The following NEGR1 variants were observed in gnomAD, a reference collection of about 807,000 sequenced individuals.
NEGR1 encodes neuronal growth regulator 1, also known as IgLON family member 4.
In NEGR1, 10 loss-of-function variants were observed where a neutral mutation model predicts 40.9. The ratio of observed to expected loss-of-function variants is 0.24; its 90% CI spans 0.15 to 0.42. The LOEUF (loss-of-function observed/expected upper bound fraction) is 0.42, where lower values mean the gene tolerates loss of function less well. NEGR1 is among the 10% of genes least tolerant of loss of function. The pLI is 1.00. For missense variants in NEGR1, 352 were observed against 438.9 expected, an observed-to-expected ratio of 0.80 and a Z score of 1.77; for synonymous variants, 185 against 166.8, an observed-to-expected ratio of 1.11 and a Z score of -0.84.
chr1:71,672,236 T>G (rs1176309194), intron 4 of NEGR1, among the ~76,000 whole-genome samples: 7 of 152,158 alleles, frequency 4.6e-5, no homozygotes, highest in Non-Finnish European at 2.9e-5. Context: ...ATAGTCACAA[T>G]GTTATCGCTT....
chr1:71,417,143 G>A (rs1876194), intron 6 of NEGR1, among the ~76,000 whole-genome samples: 142,362 of 152,242 alleles, frequency 0.94, 66,965 homozygotes, highest in Non-Finnish European at 0.99. Context: ...TACAGCTTTT[G>A]CCTATACTTC....
intron 1 of NEGR1, among the ~76,000 whole-genome samples, chr1:72,004,239 A>G (rs955676270): frequency 6.6e-6 from 1 of 152,146 alleles, no homozygotes; most frequent in Non-Finnish European, 1.5e-5. Context: ...TTAAACATAC[A>G]TGCATAGGTA....
At chr1:71,810,875 T>A (rs2101761982) in intron 2 of NEGR1, among the ~76,000 whole-genome samples, 1 of 152,298 alleles carries the variant, frequency 6.6e-6, no homozygotes, top group South Asian at 2.1e-4. Flanking sequence ...GTGAGCCAAT[T>A]AAACCTCTTT....
chr1:72,052,271 A>G (rs1371297334), intron 1 of NEGR1, among the ~76,000 whole-genome samples: 1 of 151,424 alleles, frequency 6.6e-6, no homozygotes, highest in Non-Finnish European at 1.5e-5. Context: ...CCTGGAATCC[A>G]ACAGAACTCT....
intron 2 of NEGR1, among the ~76,000 whole-genome samples, chr1:71,829,203 CG>C (rs1247605046): frequency 1.3e-5 from 2 of 151,780 alleles, no homozygotes; most frequent in Non-Finnish European, 2.9e-5. Flanking sequence ...AAATCCTCAA[CG>C]TTTTTTGTTG....
chr1:72,262,996 C>A (rs897119649), intron 1 of NEGR1, among the ~76,000 whole-genome samples: 4 of 151,704 alleles, frequency 2.6e-5, no homozygotes, highest in Non-Finnish European at 4.4e-5. Flanking sequence ...CTATCACATA[C>A]AGCTTCCACT....
chr1:71,986,647 G>A (rs979595187), intron 1 of NEGR1, among the ~76,000 whole-genome samples: 5 of 152,022 alleles, frequency 3.3e-5, no homozygotes, highest in Admixed American at 3.3e-4. Flanking sequence ...TAGAAATCAG[G>A]TTGGTGTTTC....
At chr1:72,033,091 C>G (rs544471184) in intron 1 of NEGR1, among the ~76,000 whole-genome samples, 19 of 152,100 alleles carry the variant, frequency 1.2e-4, no homozygotes, top group African/African-American at 4.3e-4. Context: ...TCAAAATTTT[C>G]TACTAGAAAA....
At chr1:72,200,471 C>T (rs747558453) in intron 1 of NEGR1, among the ~76,000 whole-genome samples, 4 of 151,824 alleles carry the variant, frequency 2.6e-5, no homozygotes, top group Non-Finnish European at 4.4e-5. Flanking sequence ...ACATTGAATA[C>T]ACATGGACAC....
At chr1:71,509,812 T>C (rs1647060851) in intron 6 of NEGR1, among the ~76,000 whole-genome samples, 1 of 152,232 alleles carries the variant, frequency 6.6e-6, no homozygotes, top group Non-Finnish European at 1.5e-5. Flanking sequence ...CTACATCTAT[T>C]ATAATCAACA....
intron 1 of NEGR1, among the ~76,000 whole-genome samples, chr1:72,197,351 T>C (rs2100440124): frequency 6.6e-6 from 1 of 152,190 alleles, no homozygotes; most frequent in South Asian, 2.1e-4. Context: ...TATAGGTTTA[T>C]TAACAGAAGC....
chr1:72,035,064 A>G (rs1000967704), intron 1 of NEGR1, among the ~76,000 whole-genome samples: 1 of 152,118 alleles, frequency 6.6e-6, no homozygotes, highest in Non-Finnish European at 1.5e-5. Flanking sequence ...TTTGCATAAT[A>G]AAAGACTAGG....
rs576567664 is a variant in NEGR1 at position 71,412,985 on chromosome 1, A to G, written c.941-5415T>C. The stretch of plus-strand genomic sequence containing the variant: ...CTGTCATTCTTTCTAGTTCTTAGTA[A>G]AGCTAAGACATTCTAGTCTTTAAAT... On this transcript the variant is annotated intron_variant, in intron 6 of 6. Transcript: ENST00000357731. Among the ~76,000 whole-genome samples the G allele has an allele frequency of 7.8e-4, 118 of 151,722 alleles. 1 individual carries two copies. The highest frequency in any genetic ancestry group is 9.7e-4 in the Non-Finnish European group (66 of 67,958).
At chr1:72,268,383 T>G (rs1330380533) in intron 1 of NEGR1, among the ~76,000 whole-genome samples, 1 of 151,474 alleles carries the variant, frequency 6.6e-6, no homozygotes, top group African/African-American at 2.4e-5. Flanking sequence ...ACCAAATAAC[T>G]TGCTGTGGCC....
intron 1 of NEGR1, among the ~76,000 whole-genome samples, chr1:72,005,785 G>A (rs1646601242): frequency 6.6e-6 from 1 of 151,906 alleles, no homozygotes. Flanking sequence ...ACAGATTCAG[G>A]AAAGAATATT....
intron 1 of NEGR1, among the ~76,000 whole-genome samples, chr1:72,193,877 GCCCTATAGATTAAC>G (rs1652909294): frequency 6.6e-6 from 1 of 151,488 alleles, no homozygotes; most frequent in African/African-American, 2.4e-5. Context: ...GTAGGACTTA[GCCCTATAGATTAAC>G]CCCAAGGTTT....
intron 6 of NEGR1, among the ~76,000 whole-genome samples, chr1:71,505,111 A>G (rs554343715): frequency 6.6e-6 from 1 of 152,278 alleles, no homozygotes; most frequent in Non-Finnish European, 1.5e-5. Context: ...TAATAAAGGG[A>G]TTCATTGAAG....
At chr1:71,970,683 G>T (rs1002417822) in intron 1 of NEGR1, among the ~76,000 whole-genome samples, 1 of 151,894 alleles carries the variant, frequency 6.6e-6, no homozygotes, top group African/African-American at 2.4e-5. Flanking sequence ...GCGAGACTCT[G>T]TCTCAAAGAA....
At chr1:72,242,476 A>G (rs570333145) in intron 1 of NEGR1, among the ~76,000 whole-genome samples, 27 of 151,632 alleles carry the variant, frequency 1.8e-4, no homozygotes, top group Non-Finnish European at 3.8e-4. Context: ...ATAGCGACTC[A>G]ATAAATATCT....
Sources: gnomAD v4.1 joint callset for allele counts (sites outside exome capture counted in the v4.1 genomes callset) on GRCh38, gnomAD v4.1.1 for gene constraint, MANE v1.5 for transcripts, NCBI Gene and HGNC (gene_info 2026-07-23, HGNC 2026-07-21) for gene names.